Variants in SLC25A21 observed in about 807,000 individuals in gnomAD.
SLC25A21 encodes solute carrier family 25 member 21.
SLC25A21 carries 47 observed loss-of-function variants against 43.8 expected under a neutral mutation model. That is an observed-to-expected ratio of 1.07 (90% CI 0.85 to 1.37). SLC25A21 has a LOEUF of 1.37. Ranked by LOEUF, SLC25A21 falls within the 40% of genes most tolerant of loss-of-function variation. SLC25A21 has a pLI of 0.00. For missense variants in SLC25A21, 352 were observed against 350.2 expected (o/e 1.00, Z -0.04); for synonymous variants, 131 against 121.3 (o/e 1.08, Z -0.52).
intron 1 of SLC25A21, among the ~76,000 whole-genome samples, chr14:37,062,117 A>G (rs1402541012): frequency 1.3e-5 from 2 of 152,256 alleles, no homozygotes; most frequent in African/African-American, 2.4e-5. Context: ...AAGAACCTGT[A>G]AACAGAAGAG....
chr14:36,886,322 A>C (rs1428192685), intron 1 of SLC25A21, among the ~76,000 whole-genome samples: 7 of 152,206 alleles, frequency 4.6e-5, no homozygotes, highest in African/African-American at 1.7e-4. Flanking sequence ...CAAATAGGCA[A>C]CGTGATTTGG....
intron 3 of SLC25A21, among the ~76,000 whole-genome samples, chr14:36,809,792 C>A (rs1337674960): frequency 6.6e-6 from 1 of 152,232 alleles, no homozygotes; most frequent in African/African-American, 2.4e-5. Flanking sequence ...GAGGCGAATT[C>A]TCCTAATTAT....
At chr14:36,836,121 C>G (rs1298076158) in intron 2 of SLC25A21, among the ~76,000 whole-genome samples, 2 of 152,190 alleles carry the variant, frequency 1.3e-5, no homozygotes, top group Non-Finnish European at 2.9e-5. Flanking sequence ...GAATATGCGG[C>G]CTGGTTATCT....
chr14:36,975,121 T>C (rs543046499), intron 1 of SLC25A21, among the ~76,000 whole-genome samples: 2 of 152,324 alleles, frequency 1.3e-5, no homozygotes, highest in South Asian at 2.1e-4. Flanking sequence ...GAACCCTTGA[T>C]TGACAGGATA....
chr14:37,098,856 G>T (rs1416582564), intron 1 of SLC25A21, among the ~76,000 whole-genome samples: 3 of 150,946 alleles, frequency 2.0e-5, no homozygotes, highest in Admixed American at 6.6e-5. Flanking sequence ...AGGCTGGAGT[G>T]CAATGGCATG....
At position 36,724,114 on chromosome 14, in the gene SLC25A21, T is replaced by C. The variant is rs541470343; in HGVS notation, c.438+1456A>G. 1.4e-3 allele frequency among the ~76,000 whole-genome samples: 206 copies of C among 152,342 alleles called. 1 individual carries two copies. The highest frequency in any genetic ancestry group is 2.4e-3 in the Non-Finnish European group (164 of 68,040). On this transcript the variant is annotated intron_variant, in intron 6 of 9. Coordinates refer to ENST00000331299, the MANE Select transcript of SLC25A21 (RefSeq NM_030631.4). Reference sequence around the variant, plus strand: ...TGTTCCGCACCATCTTTTTCGTTTATTCAAGAAAGAGTAAAGAGAAACGAA... The same window carrying C: ...TGTTCCGCACCATCTTTTTCGTTTACTCAAGAAAGAGTAAAGAGAAACGAA...
chr14:36,734,877 G>A (rs948238913), intron 3 of SLC25A21, among the ~76,000 whole-genome samples: 6 of 152,156 alleles, frequency 3.9e-5, no homozygotes, highest in Non-Finnish European at 5.9e-5. Context: ...TATTTTCTCA[G>A]TTGTGTGGCA....
chr14:37,085,427 T>C (rs1249581717), intron 1 of SLC25A21, among the ~76,000 whole-genome samples: 2 of 152,348 alleles, frequency 1.3e-5, no homozygotes, highest in East Asian at 1.9e-4. Context: ...CTAAAAACTA[T>C]ATATATTGGT....
chr14:37,071,858 G>C (rs1382640122), intron 1 of SLC25A21, among the ~76,000 whole-genome samples: 1 of 152,170 alleles, frequency 6.6e-6, no homozygotes, highest in African/African-American at 2.4e-5. Context: ...GAAGGCCACA[G>C]TAAATGTTAA....
intron 3 of SLC25A21, among the ~76,000 whole-genome samples, chr14:36,753,257 C>A (rs1455005589): frequency 6.6e-6 from 1 of 151,812 alleles, no homozygotes. Context: ...TAAAAAATAA[C>A]AGAAAGTGAA....
At chr14:36,699,356 C>A (rs559536376) in intron 7 of SLC25A21, among the ~76,000 whole-genome samples, 1 of 152,280 alleles carries the variant, frequency 6.6e-6, no homozygotes, top group African/African-American at 2.4e-5. Context: ...TATGAGGGGT[C>A]TGTGGGTCCC....
chr14:37,105,558 A>T (rs919541168), intron 1 of SLC25A21, among the ~76,000 whole-genome samples: 1 of 152,098 alleles, frequency 6.6e-6, no homozygotes, highest in African/African-American at 2.4e-5. Context: ...ATGCTTTTTA[A>T]TTTTATTTTT....
intron 1 of SLC25A21, among the ~76,000 whole-genome samples, chr14:36,981,071 T>C (rs112596541): frequency 0.02 from 3,002 of 150,394 alleles, 111 homozygotes; most frequent in African/African-American, 0.069. Context: ...AGGCAGCCAA[T>C]AGACACATGA....
Position 36,955,898 on chromosome 14 carries a change from C to T in SLC25A21, c.71-80894G>A, listed in dbSNP as rs149740317. Among the ~76,000 whole-genome samples the T allele has an allele frequency of 2.3e-3, 346 of 152,262 alleles. 3 individuals are homozygous for T. The highest frequency in any genetic ancestry group is 7.9e-3 in the African/African-American group (328 of 41,544). On this transcript the variant is annotated intron_variant, in intron 1 of 9. Transcript: ENST00000331299. ...CTGTTCAAATCCCAGCTTGGTCCTA[C>T]CCTTTGGTGCTGGTCAATAAACTTG...
intron 1 of SLC25A21, among the ~76,000 whole-genome samples, chr14:37,081,348 G>A (rs545942976): frequency 2.0e-5 from 3 of 152,280 alleles, no homozygotes; most frequent in Admixed American, 6.5e-5. Context: ...TTAGTGACAC[G>A]TCACGGAAAA....
intron 1 of SLC25A21, among the ~76,000 whole-genome samples, chr14:37,049,795 A>G (rs1360381352): frequency 1.3e-5 from 2 of 152,202 alleles, no homozygotes. Flanking sequence ...TATCACTTCA[A>G]CAACTATTAA....
At chr14:36,773,188 A>G (rs1421195333) in intron 3 of SLC25A21, among the ~76,000 whole-genome samples, 4 of 107,200 alleles carry the variant, frequency 3.7e-5, no homozygotes, top group African/African-American at 1.2e-4. Flanking sequence ...TCGAGAAGGA[A>G]AAAAAAAAAA....
chr14:36,939,010 G>T (rs1892492862), intron 1 of SLC25A21, among the ~76,000 whole-genome samples: 1 of 152,064 alleles, frequency 6.6e-6, no homozygotes, highest in East Asian at 1.9e-4. Flanking sequence ...AAACTGAATT[G>T]TATTTCAGAT....
At chr14:36,713,581 T>C (rs893285328) in intron 6 of SLC25A21, among the ~76,000 whole-genome samples, 1 of 152,210 alleles carries the variant, frequency 6.6e-6, no homozygotes, top group Non-Finnish European at 1.5e-5. Flanking sequence ...CAGTTCCAAG[T>C]TTGAGTCTCA....
Sources: gnomAD v4.1 joint callset for allele counts (sites outside exome capture counted in the v4.1 genomes callset) on GRCh38, gnomAD v4.1.1 for gene constraint, MANE v1.5 for transcripts, NCBI Gene and HGNC (gene_info 2026-07-23, HGNC 2026-07-21) for gene names.